FBXL17: variants seen among roughly 807,000 people sequenced by gnomAD.
FBXL17 encodes F-box/LRR-repeat protein 17.
In FBXL17, 22 loss-of-function variants were observed where a neutral mutation model predicts 66.2. The ratio of observed to expected loss-of-function variants is 0.33; its 90% CI spans 0.24 to 0.47. The LOEUF (loss-of-function observed/expected upper bound fraction) is 0.47, where lower values mean the gene tolerates loss of function less well. Ranked by LOEUF, FBXL17 falls within the 20% of genes least tolerant of loss-of-function variation. FBXL17 has a pLI of 1.00. For synonymous variants in FBXL17, 474 were observed against 400.5 expected (o/e 1.18, Z -2.19); for missense variants, 878 against 948.2 (o/e 0.93, Z 0.97).
intron 6 of FBXL17, among the ~76,000 whole-genome samples, chr5:108,039,699 T>C (rs1746975331): frequency 6.6e-6 from 1 of 152,124 alleles, no homozygotes; most frequent in African/African-American, 2.4e-5. Flanking sequence ...TGAGTTTTAT[T>C]CATACTCTTG....
chr5:107,928,154 A>C (rs187762547), intron 7 of FBXL17, among the ~76,000 whole-genome samples: 1 of 152,058 alleles, frequency 6.6e-6, no homozygotes. Context: ...TATATCTTAA[A>C]ATCTGGTAAA....
chr5:108,305,814 G>A (rs1196560145), intron 4 of FBXL17, among the ~76,000 whole-genome samples: 1 of 152,022 alleles, frequency 6.6e-6, no homozygotes, highest in Non-Finnish European at 1.5e-5. Flanking sequence ...TGAACAATCT[G>A]AACAGAAAGA....
At chr5:107,985,940 G>T (rs1011983425) in intron 7 of FBXL17, among the ~76,000 whole-genome samples, 4 of 152,092 alleles carry the variant, frequency 2.6e-5, no homozygotes, top group Non-Finnish European at 5.9e-5. Context: ...TGTGTACAGG[G>T]TTTCATTATA....
chr5:107,959,091 C>G (rs924097346), intron 7 of FBXL17, among the ~76,000 whole-genome samples: 4 of 152,016 alleles, frequency 2.6e-5, no homozygotes, highest in Non-Finnish European at 5.9e-5. Context: ...TTACACGCAC[C>G]ACACGCCATG....
At chr5:108,064,386 G>T (rs73778652) in intron 6 of FBXL17, among the ~76,000 whole-genome samples, 2,198 of 152,224 alleles carry the variant, frequency 0.014, 48 homozygotes, top group African/African-American at 0.05. Context: ...CTGAAGAAAA[G>T]AAACTAAAAT....
chr5:108,293,087 C>CA (rs59553057), intron 4 of FBXL17, among the ~76,000 whole-genome samples: 17 of 116,454 alleles, frequency 1.5e-4, no homozygotes, highest in Middle Eastern at 3.9e-3. Flanking sequence ...GACTCTGTCT[C>CA]AAAAAAAAAA....
chr5:108,126,658 TATATAC>T lies in FBXL17; in HGVS notation c.1745+59453_1745+59458del, dbSNP rs374362969. 1.3e-3 allele frequency among the ~76,000 whole-genome samples: 154 copies of T among 121,366 alleles called. 1 individual carries two copies. The highest frequency in any genetic ancestry group is 4.1e-3 in the Middle Eastern group (1 of 246). The allele number at this position is 121,366 out of a possible 152,430, so 79.6% of individuals were successfully genotyped here. ...CTCTCTCTCTCTCTCTCTCTATATA[TATATAC>T]ATATATATATATATATATATACACA... On this transcript the variant is annotated intron_variant, in intron 6 of 8. Coordinates refer to ENST00000542267, the MANE Select transcript of FBXL17 (RefSeq NM_001163315.3).
chr5:108,139,302 G>A lies in FBXL17; in HGVS notation c.1745+46815C>T, dbSNP rs545599688. On this transcript the variant is annotated intron_variant, in intron 6 of 8. Transcript: ENST00000542267. ...ATTTAGCACCTGAGATACAGCATTC[G>A]CTAATTTTAGAAATCACAAAATAAT... Among the ~76,000 whole-genome samples, 11 of 152,272 alleles carry A rather than the reference G, an allele frequency of 7.2e-5. 1 individual carries two copies. Among genetic ancestry groups the A allele is most frequent in the African/African-American group, 1.7e-4 (7 of 41,554 alleles).
intron 7 of FBXL17, among the ~76,000 whole-genome samples, chr5:107,985,214 G>A (rs1009920766): frequency 6.6e-6 from 1 of 152,162 alleles, no homozygotes; most frequent in African/African-American, 2.4e-5. Context: ...GAACAAAGAT[G>A]ACAGATAAAC....
At chr5:108,236,628 C>G (rs1755616420) in intron 4 of FBXL17, among the ~76,000 whole-genome samples, 2 of 152,016 alleles carry the variant, frequency 1.3e-5, no homozygotes, top group South Asian at 2.1e-4. Context: ...CAGGGGTGAA[C>G]AACTAATCTC....
chr5:108,102,151 C>T (rs1428408568), intron 6 of FBXL17, among the ~76,000 whole-genome samples: 1 of 151,960 alleles, frequency 6.6e-6, no homozygotes, highest in Non-Finnish European at 1.5e-5. Context: ...TTTCTGTCTC[C>T]AAAGAGAGAG....
At chr5:108,042,148 C>A (rs1307980383) in intron 6 of FBXL17, among the ~76,000 whole-genome samples, 1 of 152,180 alleles carries the variant, frequency 6.6e-6, no homozygotes, top group Non-Finnish European at 1.5e-5. Context: ...GCCTCCGTGG[C>A]CTCCCAAAGT....
At chr5:108,131,695 AATT>A (rs1239900871) in intron 6 of FBXL17, among the ~76,000 whole-genome samples, 2 of 152,146 alleles carry the variant, frequency 1.3e-5, no homozygotes, top group African/African-American at 2.4e-5. Context: ...AGAAAAAAAT[AATT>A]ATTATAGTAT....
intron 4 of FBXL17, among the ~76,000 whole-genome samples, chr5:108,293,936 G>A (rs552729377): frequency 6.7e-6 from 1 of 149,148 alleles, no homozygotes; most frequent in African/African-American, 2.5e-5. Context: ...AGCTACTTGG[G>A]AGGCTGAAGC....
intron 6 of FBXL17, among the ~76,000 whole-genome samples, chr5:108,101,816 A>G (rs561147495): frequency 6.6e-6 from 1 of 152,356 alleles, no homozygotes; most frequent in South Asian, 2.1e-4. Context: ...AATGTTTCAA[A>G]GCTACTAAAA....
intron 8 of FBXL17, among the ~76,000 whole-genome samples, chr5:107,866,753 A>T (rs1748288240): frequency 6.6e-6 from 1 of 152,208 alleles, no homozygotes; most frequent in African/African-American, 2.4e-5. Context: ...GTTTTAAGAG[A>T]AGACATATTT....
intron 7 of FBXL17, among the ~76,000 whole-genome samples, chr5:107,961,010 T>A (rs1160932025): frequency 1.3e-5 from 2 of 151,916 alleles, no homozygotes; most frequent in African/African-American, 4.8e-5. Flanking sequence ...GCCAGAGAAG[T>A]TTTCCTTGAT....
At chr5:107,992,278 A>G (rs1753282727) in intron 7 of FBXL17, among the ~76,000 whole-genome samples, 1 of 152,160 alleles carries the variant, frequency 6.6e-6, no homozygotes, top group Non-Finnish European at 1.5e-5. Flanking sequence ...ACTTTCTATT[A>G]TGGAAAGAAA....
At chr5:108,342,250 A>C (rs1746935521) in intron 4 of FBXL17, among the ~76,000 whole-genome samples, 2 of 152,172 alleles carry the variant, frequency 1.3e-5, no homozygotes, top group Admixed American at 1.3e-4. Context: ...AAAAATGTAA[A>C]ACACTATGTC....
Sources: allele counts gnomAD v4.1 joint callset (sites outside exome capture counted in the v4.1 genomes callset), GRCh38; gene constraint gnomAD v4.1.1; transcripts MANE v1.5; gene names NCBI Gene and HGNC (gene_info 2026-07-23, HGNC 2026-07-21).